The following LPIN1 variants were observed in gnomAD, a reference collection of about 807,000 sequenced individuals.
LPIN1 encodes lipin 1, also known as phosphatidate phosphatase LPIN1.
LPIN1 carries 71 observed loss-of-function variants against 107.5 expected under a neutral mutation model. That is an observed-to-expected ratio of 0.66 (90% confidence interval 0.55 to 0.80). The LOEUF is 0.80. Ranked by LOEUF, LPIN1 falls within the 30% of genes least tolerant of loss-of-function variation. The pLI is 0.00. For missense variants in LPIN1, 1,043 were observed against 1,160.6 expected, an observed-to-expected ratio of 0.90 and a Z score of 1.47; for synonymous variants, 445 against 452.6, an observed-to-expected ratio of 0.98 and a Z score of 0.21.
intron 16 of LPIN1, 81 bp downstream of exon 16, chr2:11,804,652 G>A: frequency 1.4e-6 from 2 of 1,455,414 alleles, no homozygotes; most frequent in South Asian, 1.1e-5. Context: ...TGGCACCTCT[G>A]CTCTCCTCAT....
rs1277300165 is a variant in LPIN1, at chr2:11,771,815, A to C, written c.596+136A>C. On this transcript the variant is annotated intron_variant, in intron 4 of 20. Transcript: ENST00000674199. The surrounding 1 kb of genome is among the most constrained non-coding windows in gnomAD (Gnocchi z 4.8). ...ACCAGTGGTCCCCAACCTTTTTGGC[A>C]CTAGGGACCAGTTTTGTGGAAGACA... 56 of 883,820 alleles carry C rather than the reference A, an allele frequency of 6.3e-5. No individual in the cohort carries two copies. 54.7% of individuals were successfully genotyped at this position (883,820 alleles called of 1,614,324 possible).
At chr2:11,773,828 A>G in intron 5 of LPIN1, 83 bp downstream of exon 5, 1 of 1,500,444 alleles carries the variant, frequency 6.7e-7, no homozygotes, top group Non-Finnish European at 9.2e-7. Context: ...AGAATGAAAT[A>G]GAAATGAAAA....
intron 1 of LPIN1, among the ~76,000 whole-genome samples, chr2:11,735,538 A>C (rs1392430234): frequency 2.0e-5 from 3 of 152,160 alleles, no homozygotes; most frequent in Non-Finnish European, 4.4e-5. Flanking sequence ...AGCTTAGCCA[A>C]TCAACCCATT....
At chr2:11,795,089 A>G (rs1558249102) in intron 13 of LPIN1, among the ~76,000 whole-genome samples, 1 of 152,226 alleles carries the variant, frequency 6.6e-6, no homozygotes, top group African/African-American at 2.4e-5. Flanking sequence ...CCAGAATCCA[A>G]GCAGCCCTTG....
intron 1 of LPIN1, among the ~76,000 whole-genome samples, chr2:11,752,309 G>A (rs968349185): frequency 6.6e-6 from 1 of 152,052 alleles, no homozygotes; most frequent in Non-Finnish European, 1.5e-5. Context: ...CCATCTGAAA[G>A]GCCTCTTTCG....
Position 11,819,591 on chromosome 2 carries a change from G to A in LPIN1, c.2510G>A (p.Arg837Gln), listed in dbSNP as rs751427775. 20 of 1,612,194 alleles carry A rather than the reference G, an allele frequency of 1.2e-5. No individual in the cohort carries two copies. The highest frequency in any genetic ancestry group is 8.9e-5 in the East Asian group (4 of 44,874). ...CCCTTTTATGCTGCTTTTGGAAACCGACCAGCTGTAAGTAGTAGATTGGGT... is the reference window on the plus strand; with the variant it reads ...CCCTTTTATGCTGCTTTTGGAAACCAACCAGCTGTAAGTAGTAGATTGGGT... The part of the protein sequence containing the change: ...TEPFYAAFGN[R>Q]PADVYSYKQV... The change falls in exon 19 of 21, where the codon CGA becomes CAA. Residue 837 changes from arginine (R) to glutamine (Q), a missense_variant. Arg to Gln is a conservative substitution (Grantham distance 43). Transcript: ENST00000674199.
Position 11,787,148 on chromosome 2 carries a change from G to T in LPIN1, c.1624G>T (p.Val542Leu). 6.2e-7 allele frequency: 1 copy of T among 1,613,292 alleles called. No individual in the cohort carries two copies. Among genetic ancestry groups the T allele is most frequent in the African/African-American group, 1.3e-5 (1 of 75,030 alleles). Residue 542 changes from valine to leucine, a missense_variant, in exon 11 of 21, where the codon GTG becomes TTG. Val to Leu is a conservative substitution (Grantham distance 32, BLOSUM62 1). Transcript: ENST00000674199. ...CGCTATTATCGATGACCCCAATCTCGTGGTAAAGATTGGGAGTAAGTAAGT... is the reference window on the plus strand; with the variant it reads ...CGCTATTATCGATGACCCCAATCTCTTGGTAAAGATTGGGAGTAAGTAAGT... ...NPAIIDDPNL[V>L]VKIGSKYYNW... is the part of the protein sequence containing the mutation.
intron 1 of LPIN1, among the ~76,000 whole-genome samples, chr2:11,748,246 C>T (rs1352531530): frequency 6.6e-6 from 1 of 152,228 alleles, no homozygotes; most frequent in Non-Finnish European, 1.5e-5. Flanking sequence ...GCGTGGTCAG[C>T]TGCACAAAGG....
Position 11,824,713 on chromosome 2 carries a change from T to C in LPIN1, c.2703T>C (p.Asp901=). Residue 901 remains aspartate (D), a synonymous_variant, in exon 21 of 21, where the codon GAT becomes GAC. Transcript: ENST00000674199. ...RSHSSDFPCS[D]TFSNFTFWRE... ...ATTCTTCAGACTTTCCCTGTTCGGA[T>C]ACCTTCAGTAACTTCACCTTTTGGA... 6.2e-7 allele frequency: 1 copy of C among 1,614,218 alleles called. No individual in the cohort carries two copies. The highest frequency in any genetic ancestry group is 8.5e-7 in the Non-Finnish European group (1 of 1,180,046).
intron 1 of LPIN1, among the ~76,000 whole-genome samples, chr2:11,679,562 C>T (rs879424503): frequency 1.5e-4 from 23 of 152,304 alleles, no homozygotes; most frequent in Admixed American, 1.0e-3. Context: ...ATGTCAAACC[C>T]GCCACGTGTC....
At chr2:11,737,667 A>G (rs1665923788) in intron 1 of LPIN1, among the ~76,000 whole-genome samples, 1 of 152,272 alleles carries the variant, frequency 6.6e-6, no homozygotes, top group South Asian at 2.1e-4. Context: ...AGAGAAATGC[A>G]AATCAAAACC....
chr2:11,707,047 G>T lies in LPIN1; in HGVS notation c.82-6709G>T, dbSNP rs1003252714. Among the ~76,000 whole-genome samples, 5 of 152,190 alleles carry T rather than the reference G, an allele frequency of 3.3e-5. No homozygotes were observed. The highest frequency in any genetic ancestry group is 2.1e-4 in the South Asian group (1 of 4,832). On this transcript the variant is annotated intron_variant, in intron 1 of 21. Coordinates refer to the LPIN1 transcript ENST00000449576. The surrounding 1 kb of genome is among the most constrained non-coding windows in gnomAD (Gnocchi z 4.2). ...TGGGTACTGACTAAACGTTACCTTT[G>T]TAGCAATTAGCCATACAGCACCTCT...
chr2:11,727,529 C>T (rs761543402), intron 1 of LPIN1, among the ~76,000 whole-genome samples: 2 of 152,132 alleles, frequency 1.3e-5, no homozygotes, highest in African/African-American at 2.4e-5. Context: ...CTTGTGTGCT[C>T]ACTGCTAGTG....
chr2:11,736,921 G>A (rs1665845543), intron 1 of LPIN1, among the ~76,000 whole-genome samples: 1 of 152,266 alleles, frequency 6.6e-6, no homozygotes, highest in South Asian at 2.1e-4. Flanking sequence ...AAAGGAGGCA[G>A]TGTGGACTAC....
At chr2:11,753,357 T>C (rs1253836376) in intron 1 of LPIN1, among the ~76,000 whole-genome samples, 1 of 152,212 alleles carries the variant, frequency 6.6e-6, no homozygotes, top group African/African-American at 2.4e-5. Context: ...AGTGAGTTTT[T>C]GTATTTTGGA....
intron 1 of LPIN1, among the ~76,000 whole-genome samples, chr2:11,747,981 G>A (rs1297722234): frequency 6.6e-6 from 1 of 152,222 alleles, no homozygotes; most frequent in Non-Finnish European, 1.5e-5. Flanking sequence ...GACCCTGAGC[G>A]AGTTCTTTCA....
chr2:11,703,642 CAT>C (rs1662993064), intron 1 of LPIN1, among the ~76,000 whole-genome samples: 1 of 152,158 alleles, frequency 6.6e-6, no homozygotes, highest in Non-Finnish European at 1.5e-5. Context: ...CAGGCAAACT[CAT>C]AGACACCTGC....
chr2:11,753,012 G>T (rs1056272343), intron 1 of LPIN1, among the ~76,000 whole-genome samples: 1 of 152,150 alleles, frequency 6.6e-6, no homozygotes, highest in African/African-American at 2.4e-5. Flanking sequence ...AATTGCGGTC[G>T]TGAATGCTTT....
chr2:11,784,443 T>C, intron 9 of LPIN1: 1 of 1,111,680 alleles, frequency 9.0e-7, no homozygotes, highest in South Asian at 2.3e-5. Flanking sequence ...AGCACCGGGC[T>C]GCCCTCCCTG....
Sources: allele counts gnomAD v4.1 joint callset (sites outside exome capture counted in the v4.1 genomes callset), GRCh38; gene constraint gnomAD v4.1.1; non-coding constraint Gnocchi (gnomAD v3.1); transcripts MANE v1.5; gene names NCBI Gene and HGNC (gene_info 2026-07-23, HGNC 2026-07-21).